STAB1: variants seen among roughly 807,000 people sequenced by gnomAD.
The protein encoded by STAB1 is stabilin 1.
A neutral mutation model predicts 332.4 loss-of-function variants in STAB1; 250 were observed. The observed-to-expected ratio is 0.75, with a 90% CI of 0.68 to 0.84. The LOEUF is 0.84. STAB1 is among the 40% of genes least tolerant of loss of function. The pLI, the probability that STAB1 is intolerant of heterozygous loss-of-function variation, is 0.00. For synonymous variants in STAB1, 1,475 were observed against 1,390.4 expected, an observed-to-expected ratio of 1.06 and a Z score of -1.35; for missense variants, 3,249 against 3,489.7, an observed-to-expected ratio of 0.93 and a Z score of 1.74.
Position 52,523,251 on chromosome 3 carries a change from G to C in STAB1, c.7050G>C (p.Gln2350His). 1 of 1,613,328 alleles carries C rather than the reference G, an allele frequency of 6.2e-7. No homozygotes were observed. The highest frequency in any genetic ancestry group is 1.6e-4 in the Middle Eastern group (1 of 6,062). Residue 2350 changes from glutamine to histidine, a missense_variant, in exon 64 of 69, where the codon CAG becomes CAC. Coordinates refer to ENST00000321725, the MANE Select transcript of STAB1 (RefSeq NM_015136.3). Reference sequence around the variant, plus strand: ...TATTGGGCTATGCCAATGCCACCCAGCGGGGTCTCGACTTCCTGGACTTCC... The same window carrying C: ...TATTGGGCTATGCCAATGCCACCCACCGGGGTCTCGACTTCCTGGACTTCC... ...GMLLGYANAT[Q>H]RGLDFLDFLD...
intron 25 of STAB1, among the ~76,000 whole-genome samples, chr3:52,510,835 G>A (rs1332712183): frequency 6.6e-6 from 1 of 152,258 alleles, no homozygotes; most frequent in African/African-American, 2.4e-5. Flanking sequence ...CAGCCCCGGA[G>A]CTTTGCAGTG....
intron 45 of STAB1, 140 bp downstream of exon 45, chr3:52,518,143 G>T: frequency 6.7e-7 from 1 of 1,493,786 alleles, no homozygotes. Context: ...TTGTACCTGG[G>T]CCTGACCCCA....
chr3:52,497,455 C>T (rs958173197), intron 1 of STAB1, among the ~76,000 whole-genome samples: 17 of 139,328 alleles, frequency 1.2e-4, no homozygotes, highest in South Asian at 2.3e-4. Flanking sequence ...CTCTGTTGTC[C>T]GGGCTGCATT....
chr3:52,503,534 G>T lies in STAB1; in HGVS notation c.885G>T (p.Pro295=). The change falls in exon 8 of 69, where the codon CCG becomes CCT. Residue 295 remains proline, a synonymous_variant. Transcript: ENST00000321725. ...CTACTTTGTGTGTGTACCAGAAGCC[G>T]GGCCAGGTGAGCCAGGGTCCCAGGC... is the stretch of plus-strand genomic sequence containing the variant. ...SNSTLCVYQK[P]GQAFCTCRPG... 6.2e-7 allele frequency: 1 copy of T among 1,613,110 alleles called. No homozygotes were observed. Among genetic ancestry groups the T allele is most frequent in the African/African-American group, 1.3e-5 (1 of 75,052 alleles).
chr3:52,512,915 C>T lies in STAB1; in HGVS notation c.3115C>T (p.Arg1039Ter), dbSNP rs747836224. Residue 1039 changes from arginine to a stop codon, truncating the protein, a stop_gained, in exon 29 of 69, where the codon CGA becomes TGA. Transcript: ENST00000321725. LOFTEE classifies it high-confidence loss of function. ...AGTCCGTCAGCTGAGCCCCGAGGAC[C>T]GAGCTTTCTGGCTGCAGCCAAGGAC... ...AAVRQLSPED[R>*]AFWLQPRTLP... 6 of 1,611,886 alleles carry T rather than the reference C, an allele frequency of 3.7e-6. No homozygotes were observed. Among genetic ancestry groups the T allele is most frequent in the African/African-American group, 2.7e-5 (2 of 74,912 alleles).
intron 1 of STAB1, among the ~76,000 whole-genome samples, chr3:52,497,299 G>T (rs933163329): frequency 6.6e-5 from 10 of 150,708 alleles, no homozygotes; most frequent in African/African-American, 2.4e-4. Context: ...CCCATGTTCA[G>T]ACTTTTCTAT....
At chr3:52,496,243 C>T (rs1157713355) in intron 1 of STAB1, among the ~76,000 whole-genome samples, 2 of 152,356 alleles carry the variant, frequency 1.3e-5, no homozygotes. Flanking sequence ...GTGACAGGCT[C>T]CTGGCTGCAG....
rs566411959 is a variant in STAB1 at position 52,517,564 on chromosome 3, C to T, written c.4578C>T (p.Cys1526=). 13 of 1,612,856 alleles carry T rather than the reference C, an allele frequency of 8.1e-6. No individual in the cohort carries two copies. The South Asian group carries it at 1.3e-4, about 16-fold the overall frequency. The change falls in exon 44 of 69, where the codon TGC becomes TGT. Residue 1526 remains cysteine (C), a synonymous_variant. Coordinates refer to ENST00000321725, the MANE Select transcript of STAB1 (RefSeq NM_015136.3). ...ACTGGGGACAGGTCTCCTGCAGCTG[C>T]CGTGAGGGTTACAGCGGGGATGGCA... ...PTGPQQVSCS[C]REGYSGDGIR... is the part of the protein sequence containing the mutation.
At chr3:52,510,599 A>G in intron 25 of STAB1, 92 bp downstream of exon 25, 1 of 1,480,522 alleles carries the variant, frequency 6.8e-7, no homozygotes, top group Non-Finnish European at 9.0e-7. Flanking sequence ...TCAGGTGCTC[A>G]GGGTCTGGAG....
chr3:52,498,570 G>A (rs1268980095), intron 1 of STAB1, among the ~76,000 whole-genome samples: 4 of 152,220 alleles, frequency 2.6e-5, no homozygotes, highest in African/African-American at 9.6e-5. Context: ...CAAAGCTCCC[G>A]CTTCCTTCTG....
chr3:52,501,796 C>A (rs769530570), intron 3 of STAB1, 43 bp downstream of exon 3: 2 of 1,528,852 alleles, frequency 1.3e-6, no homozygotes, highest in Non-Finnish European at 1.8e-6. Context: ...TCCCACCCAG[C>A]CCCAGCTCTG....
rs141418214 is a variant in STAB1 at position 52,514,752 on chromosome 3, C to T, written c.3730C>T (p.Arg1244Cys). Residue 1244 changes from arginine (R) to cysteine (C), a missense_variant, in exon 35 of 69, where the codon CGC becomes TGC. Transcript: ENST00000321725. Reference protein sequence around the residue: ...LEGPMLEAPGRSLIGLSGVLT... With the variant: ...LEGPMLEAPGCSLIGLSGVLT... ...AGGCCCCATGCTGGAGGCCCCTGGC[C>T]GCTCGCTGATTGGTCTGTCGGGGGT... 2,035 of 1,613,042 alleles carry T rather than the reference C, an allele frequency of 1.3e-3. 14 individuals are homozygous for T. The highest frequency in any genetic ancestry group is 6.5e-4 in the Non-Finnish European group (767 of 1,180,016).
intron 1 of STAB1, among the ~76,000 whole-genome samples, chr3:52,499,565 G>A (rs947597930): frequency 6.6e-6 from 1 of 152,188 alleles, no homozygotes; most frequent in African/African-American, 2.4e-5. Context: ...ACCTGCCCCT[G>A]CGACTGTATT....
chr3:52,498,002 C>T (rs1018621732), intron 1 of STAB1, among the ~76,000 whole-genome samples: 5 of 152,108 alleles, frequency 3.3e-5, no homozygotes, highest in Admixed American at 6.5e-5. Context: ...GAGCCTGTGG[C>T]GGGAGAGGAG....
At chr3:52,495,597 G>T (rs1426374360) in intron 1 of STAB1, 106 bp downstream of exon 1, 7 of 1,041,428 alleles carry the variant, frequency 6.7e-6, no homozygotes, top group Non-Finnish European at 2.5e-6. Context: ...GGGAGAAACC[G>T]CAGCTGGCGC....
rs946570167 is a variant in STAB1 at position 52,502,043 on chromosome 3, C to T, written c.369C>T (p.His123=). 6 of 1,613,218 alleles carry T rather than the reference C, an allele frequency of 3.7e-6. No individual in the cohort carries two copies. The highest frequency in any genetic ancestry group is 3.3e-5 in the Admixed American group (2 of 59,994). ...GCGCTGAGACCCCATGCAATGGCCA[C>T]GGGACCTGCTTGGATGGCATGGACA... ...PGGAETPCNG[H]GTCLDGMDRN... The change falls in exon 4 of 69, where the codon CAC becomes CAT. Residue 123 remains histidine (H), a synonymous_variant. Coordinates refer to ENST00000321725, the MANE Select transcript of STAB1 (RefSeq NM_015136.3).
Position 52,523,759 on chromosome 3 carries a change from G to A in STAB1, c.7395+3G>A, listed in dbSNP as rs778263275. 5 of 1,597,116 alleles carry A rather than the reference G, an allele frequency of 3.1e-6. No individual in the cohort carries two copies. The highest frequency in any genetic ancestry group is 4.3e-6 in the Non-Finnish European group (5 of 1,167,478). On this transcript the variant is annotated splice_donor_region_variant and intron_variant, in intron 66 of 68. Coordinates refer to ENST00000321725, the MANE Select transcript of STAB1 (RefSeq NM_015136.3). ...CCCTCCTGGCACCCCCACAGCCCGT[G>A]AGTTGAGGAAGGGGGAGGCAGAGCC...
rs1204615576 is a variant in STAB1 at position 52,514,685 on chromosome 3, C to T, written c.3679-16C>T. 1.2e-6 allele frequency: 2 copies of T among 1,612,834 alleles called. No homozygotes were observed. Among genetic ancestry groups the T allele is most frequent in the Non-Finnish European group, 1.7e-6 (2 of 1,179,924 alleles). ...GGTGGTAGGTGGGTGGATTCAGCCT[C>T]CATCCCTCTCCCCAGCCTGAGGTGA... On this transcript the variant is annotated splice_polypyrimidine_tract_variant and intron_variant, in intron 34 of 68. Coordinates refer to ENST00000321725, the MANE Select transcript of STAB1 (RefSeq NM_015136.3).
At chr3:52,509,523 G>A (rs1428518903) in intron 22 of STAB1, 2 of 592,088 alleles carry the variant, frequency 3.4e-6, no homozygotes, top group East Asian at 2.8e-5. Context: ...AAGGCCAAGG[G>A]GAGTGGAGGA....
Sources: gnomAD v4.1 joint callset for allele counts (sites outside exome capture counted in the v4.1 genomes callset) on GRCh38, gnomAD v4.1.1 for gene constraint, MANE v1.5 for transcripts, NCBI Gene and HGNC (gene_info 2026-07-23, HGNC 2026-07-21) for gene names.